The following SHOX variants were observed in gnomAD, a reference collection of about 807,000 sequenced individuals.
The protein encoded by SHOX is short stature homeobox protein.
Under a neutral mutation model 29.6 loss-of-function variants are expected in SHOX, and 12 were observed. The observed-to-expected ratio is 0.41, with a 90% CI of 0.26 to 0.66. SHOX has a LOEUF of 0.66. Ranked by LOEUF, SHOX falls within the 30% of genes least tolerant of loss-of-function variation. The pLI is 0.35. For missense variants in SHOX, 499 were observed against 437.7 expected (o/e 1.14, Z -1.25); for synonymous variants, 214 against 200.6 (o/e 1.07, Z -0.57).
intron 2 of SHOX, among the ~76,000 whole-genome samples, chrX:636,970 A>ATTTTTT (rs1251736014): frequency 7.3e-6 from 1 of 137,330 alleles, no homozygotes; most frequent in African/African-American, 2.8e-5. Context: ...ATATATATAT[A>ATTTTTT]TTTTGGCTCC....
chrX:643,475 C>CT (rs1466551169), intron 4 of SHOX, among the ~76,000 whole-genome samples: 3 of 133,576 alleles, frequency 2.2e-5, no homozygotes, highest in Admixed American at 7.7e-5. Context: ...GACCTGGTGT[C>CT]CTGGGGAGAG....
chrX:640,706 C>T (rs367823154), intron 2 of SHOX, 115 bp from the exon 3 acceptor site: 1 of 1,175,596 alleles, frequency 8.5e-7, no homozygotes, highest in East Asian at 2.3e-5. Context: ...CATCAGTCAC[C>T]TCCCAGCTCC....
chrX:627,336 T>C (rs1000634703), upstream of SHOX, among the ~76,000 whole-genome samples: 14 of 152,164 alleles, frequency 9.2e-5, no homozygotes, highest in African/African-American at 3.4e-4. Flanking sequence ...TATCAAGCAC[T>C]CAAACGCTGG....
chrX:638,161 A>G (rs922649734), intron 2 of SHOX, among the ~76,000 whole-genome samples: 21 of 152,146 alleles, frequency 1.4e-4, no homozygotes, highest in Admixed American at 3.9e-4. Flanking sequence ...TTCACTTACC[A>G]TATTCGGGCC....
At chrX:634,426 T>C (rs746789690) in intron 1 of SHOX, among the ~76,000 whole-genome samples, 192 bp from the exon 2 acceptor site, 1 of 152,230 alleles carries the variant, frequency 6.6e-6, no homozygotes, top group Non-Finnish European at 1.5e-5. Context: ...ACAACGCTCG[T>C]GCAAAGCCCA....
chrX:632,098 T>A (rs755786742), intron 1 of SHOX: 35 of 427,756 alleles, frequency 8.2e-5, no homozygotes, highest in African/African-American at 6.9e-4. Flanking sequence ...TGGCGAAAGC[T>A]GTTGGGTCCA....
downstream of SHOX, among the ~76,000 whole-genome samples, chrX:654,716 C>T (rs918044301): frequency 4.6e-5 from 7 of 152,066 alleles, no homozygotes; most frequent in African/African-American, 7.2e-5. Flanking sequence ...GACAGAGTCT[C>T]GCTCTGTTGC....
Position 634,842 on chromosome X carries a change from CG to C in SHOX, c.486+21del. The C allele has an allele frequency of 3.4e-6, 5 of 1,458,242 alleles. No individual in the cohort carries two copies. In the South Asian group the frequency reaches 6.1e-5, roughly 18 times the overall value. The allele number at this position is 1,458,242 out of a possible 1,614,324, so 90.3% of individuals were successfully genotyped here. On this transcript the variant is annotated intron_variant, in intron 2 of 4. Coordinates refer to ENST00000686671, the MANE Select transcript of SHOX (RefSeq NM_000451.4). ...GCGCGTGCAGGTAGGAACCCGGGGG[CG>C]GGGGCGGGGGGCCCGGAGCCATCGC...
rs2052925010 is a variant in SHOX, at chrX:644,373, C to T, written c.634-18C>T. 3 of 1,517,030 alleles carry T rather than the reference C, an allele frequency of 2.0e-6. No individual in the cohort carries two copies. In the Admixed American group the frequency reaches 6.1e-5, roughly 31 times the overall value. The allele number at this position is 1,517,030 out of a possible 1,614,324, so 94.0% of individuals were successfully genotyped here. On this transcript the variant is annotated intron_variant, in intron 4 of 4. Transcript: ENST00000686671. ...GTCCCCATCCTGCGCCCTCACCCCG[C>T]CGGGTCCGCTCCCGCAGGTCCAGGC...
chrX:631,209 C>T (rs1238205951), intron 1 of SHOX, 35 bp downstream of exon 1: 2 of 1,611,178 alleles, frequency 1.2e-6, no homozygotes, highest in Admixed American at 1.7e-5. Flanking sequence ...CAGGGGGGCC[C>T]TCCTGGGGTT....
chrX:658,267 G>T (rs1259952071), intron 5 of SHOX, among the ~76,000 whole-genome samples: 1 of 151,778 alleles, frequency 6.6e-6, no homozygotes, highest in Non-Finnish European at 1.5e-5. Flanking sequence ...GAGCCAGCAC[G>T]CCCGGCCCCA....
chrX:655,604 CTCTCTCTCTCTATATATATATATATA>C (rs1202234330), downstream of SHOX, among the ~76,000 whole-genome samples: 896 of 37,770 alleles, frequency 0.024, 5 homozygotes, highest in Non-Finnish European at 0.03. Context: ...CTCTCTCTCT[CTCTCTCTCTCTATATATATATATATA>C]TATATATATA....
At chrX:634,877 C>A (rs1314737213) in intron 2 of SHOX, 51 bp downstream of exon 2, 25 of 1,528,702 alleles carry the variant, frequency 1.6e-5, no homozygotes, top group Non-Finnish European at 2.2e-5. Context: ...GCCTGGTCCT[C>A]GGGAGCGCAC....
downstream of SHOX, among the ~76,000 whole-genome samples, chrX:654,332 C>G (rs2053107781): frequency 6.6e-6 from 1 of 151,672 alleles, no homozygotes; most frequent in South Asian, 2.1e-4. Context: ...TACCCTAAAA[C>G]TTAAAGTATA....
upstream of SHOX, among the ~76,000 whole-genome samples, chrX:629,684 T>C (rs1446192524): frequency 1.3e-5 from 2 of 151,968 alleles, no homozygotes; most frequent in African/African-American, 4.8e-5. Flanking sequence ...TCATCCTGGG[T>C]CCCCAGGCCC....
chrX:639,498 A>AGCTCACCCTCTCC (rs2052812283), intron 2 of SHOX, among the ~76,000 whole-genome samples: 1 of 152,206 alleles, frequency 6.6e-6, no homozygotes, highest in Non-Finnish European at 1.5e-5. Flanking sequence ...TTTAGCCATC[A>AGCTCACCCTCTCC]GCTCACCCTC....
At chrX:651,639 T>A (rs1282191625), downstream of SHOX, among the ~76,000 whole-genome samples, 1 of 108,318 alleles carries the variant, frequency 9.2e-6, no homozygotes, top group African/African-American at 4.0e-5. Context: ...ACAGGCTTAT[T>A]GGAAAAAAAA....
At chrX:633,413 C>T (rs575049265) in intron 1 of SHOX, among the ~76,000 whole-genome samples, 1 of 141,362 alleles carries the variant, frequency 7.1e-6, no homozygotes, top group Non-Finnish European at 1.5e-5. Context: ...AGGCACGTGT[C>T]TGATAGGAGG....
chrX:624,721 C>CTTTCTTTCTTTCTTTCTTTCTTTCT (rs2052474333), intron 1 of SHOX: 1 of 136,964 alleles, frequency 7.3e-6, no homozygotes, highest in Non-Finnish European at 1.6e-5. Context: ...TTCTTTCTTT[C>CTTTCTTTCTTTCTTTCTTTCTTTCT]TTTCTTTCTT....
Sources: allele counts gnomAD v4.1 joint callset (sites outside exome capture counted in the v4.1 genomes callset), GRCh38; gene constraint gnomAD v4.1.1; transcripts MANE v1.5; gene names NCBI Gene and HGNC (gene_info 2026-07-23, HGNC 2026-07-21).